The following SLC12A3 variants were observed in gnomAD, a reference collection of about 807,000 sequenced individuals.
The protein encoded by SLC12A3 is solute carrier family 12 member 3.
Under a neutral mutation model 121.0 loss-of-function variants are expected in SLC12A3, and 104 were observed. The observed-to-expected ratio is 0.86, with a 90% CI of 0.73 to 1.01. The LOEUF (loss-of-function observed/expected upper bound fraction) is 1.01. SLC12A3 is among the 50% of genes least tolerant of loss of function. The pLI is 0.00. For synonymous variants in SLC12A3, 536 were observed against 533.4 expected (o/e 1.00, Z -0.07); for missense variants, 1,328 against 1,356.3 (o/e 0.98, Z 0.33).
At chr16:56,880,774 C>G (rs527585350) in intron 12 of SLC12A3, among the ~76,000 whole-genome samples, 2 of 152,158 alleles carry the variant, frequency 1.3e-5, no homozygotes, top group South Asian at 4.1e-4. Flanking sequence ...CCCAGGTAAT[C>G]GGTTCATTAG....
intron 19 of SLC12A3, among the ~76,000 whole-genome samples, chr16:56,891,019 C>T (rs1343070512): frequency 6.6e-6 from 1 of 151,852 alleles, no homozygotes; most frequent in Non-Finnish European, 1.5e-5. Context: ...CATTTTGGTC[C>T]ACTGAGTAGG....
Position 56,880,259 on chromosome 16 carries a change from G to T in SLC12A3, c.1567+6G>T, listed in dbSNP as rs770195378. ...TGTGGCCTTCATCATCATCGGTAAG[G>T]CTCTGCCAGGGCTCACAGGGCCTGG... On this transcript the variant is annotated splice_donor_region_variant and intron_variant, in intron 12 of 25. Transcript: ENST00000563236. The T allele has an allele frequency of 6.4e-7, 1 of 1,574,426 alleles. No individual in the cohort carries two copies.
At chr16:56,875,485 G>A (rs2055154020) in intron 8 of SLC12A3, among the ~76,000 whole-genome samples, 1 of 152,072 alleles carries the variant, frequency 6.6e-6, no homozygotes, top group Admixed American at 6.5e-5. Flanking sequence ...GAGGTTCGGG[G>A]GCCTGCCCAG....
chr16:56,876,577 C>T (rs997161453), intron 8 of SLC12A3, among the ~76,000 whole-genome samples: 30 of 152,182 alleles, frequency 2.0e-4, no homozygotes, highest in Admixed American at 8.5e-4. Context: ...ACAGAGGGCA[C>T]TTGGCCAAGG....
intron 6 of SLC12A3, among the ~76,000 whole-genome samples, chr16:56,871,976 G>A (rs535621777): frequency 2.6e-5 from 4 of 152,056 alleles, no homozygotes; most frequent in South Asian, 4.2e-4. Flanking sequence ...GCCCACCTCG[G>A]TCTCCCAAAA....
At chr16:56,873,901 A>C (rs1228918008) in intron 8 of SLC12A3, among the ~76,000 whole-genome samples, 2 of 144,840 alleles carry the variant, frequency 1.4e-5, no homozygotes, top group African/African-American at 5.1e-5. Flanking sequence ...TAGTAGAGAC[A>C]GGGTTTCGCC....
At chr16:56,865,823 G>A (rs1218843894) in intron 1 of SLC12A3, among the ~76,000 whole-genome samples, 3 of 152,156 alleles carry the variant, frequency 2.0e-5, no homozygotes, top group African/African-American at 7.2e-5. Context: ...AGAAGGGCCT[G>A]GGAAGGTTCA....
chr16:56,906,146 C>T (rs114510216), intron 25 of SLC12A3, among the ~76,000 whole-genome samples: 4,694 of 152,292 alleles, frequency 0.031, 250 homozygotes, highest in African/African-American at 0.11. Context: ...GACCTCAGAA[C>T]AAGTGGTCCA....
chr16:56,888,370 C>T (rs1426924468), intron 18 of SLC12A3, among the ~76,000 whole-genome samples: 8 of 152,094 alleles, frequency 5.3e-5, no homozygotes, highest in Non-Finnish European at 8.8e-5. Context: ...TCATGGACAC[C>T]AAAGCCAGCT....
chr16:56,879,733 C>T, intron 11 of SLC12A3, 84 bp downstream of exon 11: 1 of 947,000 alleles, frequency 1.1e-6, no homozygotes, highest in South Asian at 1.3e-5. Flanking sequence ...TGGGTGACTG[C>T]TACAAACACC....
chr16:56,894,596 G>A lies in SLC12A3; in HGVS notation c.2587G>A (p.Val863Met), dbSNP rs748097215. 11 of 1,614,046 alleles carry A rather than the reference G, an allele frequency of 6.8e-6. No individual in the cohort carries two copies. The East Asian group carries it at 2.4e-4, about 36-fold the overall frequency. The change falls in exon 22 of 26, where the codon GTG becomes ATG. Residue 863 changes from valine to methionine, a missense_variant. Physicochemically the swap from Val to Met is conservative, Grantham distance 21. Transcript: ENST00000563236. Reference protein sequence around the residue: ...KRRWSKCKIRVFVGGQINRMD... With the variant: ...KRRWSKCKIRMFVGGQINRMD... Reference sequence around the variant, plus strand: ...GAGGTGGAGCAAATGCAAGATCCGTGTGTTCGTAGGCGGCCAGATTAACAG... The same window carrying A: ...GAGGTGGAGCAAATGCAAGATCCGTATGTTCGTAGGCGGCCAGATTAACAG...
chr16:56,904,363 G>A (rs756219001), intron 24 of SLC12A3, 32 bp from the exon 25 acceptor site: 2 of 1,605,666 alleles, frequency 1.2e-6, no homozygotes, highest in South Asian at 2.2e-5. Context: ...TCGATGATAT[G>A]GGAAGTGACC....
intron 20 of SLC12A3, 65 bp downstream of exon 20, chr16:56,892,198 C>T: frequency 6.6e-7 from 1 of 1,523,516 alleles, no homozygotes; most frequent in Non-Finnish European, 9.1e-7. Flanking sequence ...CACTCTAGCC[C>T]TGTGGGGTGG....
intron 8 of SLC12A3, among the ~76,000 whole-genome samples, chr16:56,876,418 A>G (rs1596901836): frequency 6.6e-6 from 1 of 152,186 alleles, no homozygotes; most frequent in Non-Finnish European, 1.5e-5. Flanking sequence ...CCCCATGTGC[A>G]TGGCCCAGTT....
chr16:56,884,013 G>T, intron 13 of SLC12A3, 36 bp from the exon 14 acceptor site: 1 of 1,612,668 alleles, frequency 6.2e-7, no homozygotes, highest in East Asian at 2.2e-5. Context: ...AGGCTCGACT[G>T]CCAGGCATGC....
At chr16:56,901,760 C>T (rs1399201505) in intron 23 of SLC12A3, among the ~76,000 whole-genome samples, 2 of 152,224 alleles carry the variant, frequency 1.3e-5, no homozygotes, top group Non-Finnish European at 2.9e-5. Flanking sequence ...CTCTGCCTGC[C>T]TGTCCTCACC....
rs1283238593 is a variant in SLC12A3, at chr16:56,915,782, TA to T, written c.*2382del. The T allele has an allele frequency of 1.3e-5, 2 of 152,054 alleles. No individual in the cohort carries two copies. Among genetic ancestry groups the T allele is most frequent in the African/African-American group, 4.8e-5 (2 of 41,400 alleles). The allele number at this position is 152,054 out of a possible 1,614,324, so 9.4% of individuals were successfully genotyped here. ...CAATAGTAATAGCTTTGTAAAAAAATAAAAAGCTTTAACAGCGAGGCCATAA... is the reference window on the plus strand; with the variant it reads ...CAATAGTAATAGCTTTGTAAAAAAATAAAAGCTTTAACAGCGAGGCCATAA... On this transcript the variant is annotated 3_prime_UTR_variant, in exon 26 of 26. Coordinates refer to ENST00000563236, the MANE Select transcript of SLC12A3 (RefSeq NM_001126108.2).
At chr16:56,906,999 C>T (rs547387083) in intron 25 of SLC12A3, 31 of 224,430 alleles carry the variant, frequency 1.4e-4, no homozygotes, top group Non-Finnish European at 2.5e-4. Context: ...GGATTTTTTA[C>T]AAGAAGATTA....
Position 56,886,436 on chromosome 16 carries a change from C to T in SLC12A3, c.1998C>T (p.Thr666=), listed in dbSNP as rs2144728645. Reference sequence around the variant, plus strand: ...TGGTGGACTTTGTGGGCACCTTCACCCGGAACCTCAGCCTGATGATCTGTG... The same window carrying T: ...TGGTGGACTTTGTGGGCACCTTCACTCGGAACCTCAGCCTGATGATCTGTG... ...PALVDFVGTF[T]RNLSLMICGH... Residue 666 remains threonine, a synonymous_variant, in exon 16 of 26, where the codon ACC becomes ACT. Coordinates refer to ENST00000563236, the MANE Select transcript of SLC12A3 (RefSeq NM_001126108.2). 1 of 1,614,096 alleles carries T rather than the reference C, an allele frequency of 6.2e-7. No individual in the cohort carries two copies. The highest frequency in any genetic ancestry group is 8.5e-7 in the Non-Finnish European group (1 of 1,180,024).
Sources: gnomAD v4.1 joint callset for allele counts (sites outside exome capture counted in the v4.1 genomes callset) on GRCh38, gnomAD v4.1.1 for gene constraint, MANE v1.5 for transcripts, NCBI Gene and HGNC (gene_info 2026-07-23, HGNC 2026-07-21) for gene names.